The following CNTLN variants were observed in gnomAD, a reference collection of about 807,000 sequenced individuals.
CNTLN encodes the protein centlein.
Under a neutral mutation model 180.0 loss-of-function variants are expected in CNTLN, and 212 were observed. The ratio of observed to expected loss-of-function variants is 1.18; its 90% CI spans 1.05 to 1.32. The LOEUF (loss-of-function observed/expected upper bound fraction) is 1.32, where lower values mean the gene tolerates loss of function less well. Among genes scored for constraint, CNTLN ranks in the 40% most tolerant of loss-of-function variants. CNTLN has a pLI of 0.00. For missense variants in CNTLN, 2,095 were observed against 1,610.9 expected, an observed-to-expected ratio of 1.30 and a Z score of -5.14; for synonymous variants, 722 against 563.1, an observed-to-expected ratio of 1.28 and a Z score of -3.99.
chr9:17,186,721 T>C (rs1360394668), intron 2 of CNTLN, among the ~76,000 whole-genome samples: 1 of 152,210 alleles, frequency 6.6e-6, no homozygotes, highest in Non-Finnish European at 1.5e-5. Context: ...CATTACCTTA[T>C]TTAATTTAGA....
chr9:17,471,501 C>T (rs550679932), intron 23 of CNTLN, among the ~76,000 whole-genome samples: 1 of 152,140 alleles, frequency 6.6e-6, no homozygotes, highest in South Asian at 2.1e-4. Flanking sequence ...GGGATAATTC[C>T]TAGCTCATGA....
chr9:17,214,086 A>G (rs1451097616), intron 2 of CNTLN, among the ~76,000 whole-genome samples: 3 of 152,052 alleles, frequency 2.0e-5, no homozygotes, highest in Non-Finnish European at 2.9e-5. Flanking sequence ...TGTGAATTTG[A>G]TCCTGTCATT....
chr9:17,141,388 A>C (rs1364892301), intron 1 of CNTLN, among the ~76,000 whole-genome samples: 2 of 152,198 alleles, frequency 1.3e-5, no homozygotes, highest in African/African-American at 4.8e-5. Flanking sequence ...ATTTAAGAAA[A>C]GGCTTGAATG....
intron 12 of CNTLN, among the ~76,000 whole-genome samples, chr9:17,360,730 C>G (rs1253052719): frequency 6.6e-6 from 1 of 152,124 alleles, no homozygotes; most frequent in Admixed American, 6.5e-5. Flanking sequence ...TTGCAGACGT[C>G]CTTCTGGTAT....
intron 3 of CNTLN, among the ~76,000 whole-genome samples, chr9:17,231,385 G>A (rs911568067): frequency 1.3e-4 from 20 of 151,870 alleles, no homozygotes; most frequent in African/African-American, 4.4e-4. Context: ...AACTTTCCTA[G>A]GGTGCAATCT....
chr9:17,284,747 T>A (rs1011996858), intron 6 of CNTLN, among the ~76,000 whole-genome samples: 3 of 152,162 alleles, frequency 2.0e-5, no homozygotes, highest in African/African-American at 7.2e-5. Context: ...TTTTCATGTC[T>A]GTATCTCCTT....
intron 12 of CNTLN, among the ~76,000 whole-genome samples, chr9:17,362,152 G>A (rs908466123): frequency 6.6e-6 from 1 of 152,222 alleles, no homozygotes; most frequent in Non-Finnish European, 1.5e-5. Context: ...GTTTTAAGAA[G>A]CAAGAAATAA....
At chr9:17,385,265 TA>T (rs1169024549) in intron 13 of CNTLN, among the ~76,000 whole-genome samples, 1 of 152,210 alleles carries the variant, frequency 6.6e-6, no homozygotes, top group African/African-American at 2.4e-5. Flanking sequence ...CAGAGTTTGT[TA>T]TGGAGCTTCC....
At chr9:17,428,184 T>C (rs1244046738) in intron 18 of CNTLN, among the ~76,000 whole-genome samples, 1 of 152,156 alleles carries the variant, frequency 6.6e-6, no homozygotes, top group Non-Finnish European at 1.5e-5. Context: ...AGAGTCACTT[T>C]CAGGTTTATT....
intron 5 of CNTLN, among the ~76,000 whole-genome samples, chr9:17,244,535 G>A (rs1365998561): frequency 6.6e-6 from 1 of 152,012 alleles, no homozygotes; most frequent in Non-Finnish European, 1.5e-5. Flanking sequence ...GTTTCTTGTA[G>A]GCAACAGATC....
intron 7 of CNTLN, chr9:17,298,610 A>G (rs537961375): frequency 9.3e-7 from 1 of 1,073,198 alleles, no homozygotes; most frequent in African/African-American, 1.6e-5. Flanking sequence ...ATAAATTGGC[A>G]TTCAGACAGC....
rs62558293 is a variant in CNTLN at position 17,220,431 on chromosome 9, G to T, written c.450-5772G>T. On this transcript the variant is annotated intron_variant, in intron 2 of 25. Coordinates refer to ENST00000380647, the MANE Select transcript of CNTLN (RefSeq NM_017738.4). ...TTTTTTTAAAAACATTTAAGTTTAG[G>T]GGTACATGTGCAGGTTTGTAATGTA... Among the ~76,000 whole-genome samples, 421 of 152,076 alleles carry T rather than the reference G, an allele frequency of 2.8e-3. 1 individual carries two copies. The highest frequency in any genetic ancestry group is 4.4e-3 in the South Asian group (21 of 4,820).
chr9:17,310,559 G>A lies in CNTLN; in HGVS notation c.1341+1307G>A, dbSNP rs565688382. On this transcript the variant is annotated intron_variant, in intron 8 of 25. Coordinates refer to ENST00000380647, the MANE Select transcript of CNTLN (RefSeq NM_017738.4). The stretch of plus-strand genomic sequence containing the variant: ...TTCGCACATGTTTCTTGACGTACAC[G>A]TTCATGCATCTTTGTGGGTTATATA... Among the ~76,000 whole-genome samples the A allele has an allele frequency of 3.9e-5, 6 of 152,208 alleles. No homozygotes were observed. The East Asian group carries it at 5.8e-4, about 15-fold the overall frequency.
At chr9:17,463,198 T>C (rs1831550552) in intron 20 of CNTLN, among the ~76,000 whole-genome samples, 185 bp downstream of exon 20, 1 of 151,666 alleles carries the variant, frequency 6.6e-6, no homozygotes, top group South Asian at 2.1e-4. Context: ...TATTTACTTT[T>C]TTAAATTAGA....
At chr9:17,202,017 A>T (rs1039941525) in intron 2 of CNTLN, among the ~76,000 whole-genome samples, 1 of 152,112 alleles carries the variant, frequency 6.6e-6, no homozygotes, top group African/African-American at 2.4e-5. Flanking sequence ...CGTGTCCAGA[A>T]ATTCTGGTAT....
chr9:17,225,555 A>T (rs2039413), intron 2 of CNTLN, among the ~76,000 whole-genome samples: 28,376 of 151,956 alleles, frequency 0.19, 3,339 homozygotes, highest in African/African-American at 0.33. Flanking sequence ...TGTCAGCCTG[A>T]TTATACAGTC....
intron 12 of CNTLN, among the ~76,000 whole-genome samples, chr9:17,358,583 A>C (rs968518811): frequency 6.6e-6 from 1 of 152,188 alleles, no homozygotes; most frequent in Non-Finnish European, 1.5e-5. Context: ...TAAATATGGC[A>C]TAATGTGAAT....
At chr9:17,313,473 T>G (rs1006787321) in intron 8 of CNTLN, among the ~76,000 whole-genome samples, 2 of 152,180 alleles carry the variant, frequency 1.3e-5, no homozygotes, top group Admixed American at 6.5e-5. Context: ...CAGTTTCTGA[T>G]GGTAATTCAG....
intron 2 of CNTLN, among the ~76,000 whole-genome samples, chr9:17,215,599 G>A (rs1371474313): frequency 6.6e-6 from 1 of 152,198 alleles, no homozygotes; most frequent in East Asian, 1.9e-4. Flanking sequence ...GGACATTTAA[G>A]TCTGCAGAGA....
Sources: gnomAD v4.1 joint callset for allele counts (sites outside exome capture counted in the v4.1 genomes callset) on GRCh38, gnomAD v4.1.1 for gene constraint, MANE v1.5 for transcripts, NCBI Gene and HGNC (gene_info 2026-07-23, HGNC 2026-07-21) for gene names.